Variants in CCDC80 observed in about 807,000 individuals in gnomAD.
The protein encoded by CCDC80 is coiled-coil domain containing 80.
CCDC80 carries 49 observed loss-of-function variants against 78.7 expected under a neutral mutation model. The ratio of observed to expected loss-of-function variants is 0.62; its 90% CI spans 0.50 to 0.79. The LOEUF (loss-of-function observed/expected upper bound fraction) is 0.79, where lower values mean the gene tolerates loss of function less well. Ranked by LOEUF, CCDC80 falls within the 30% of genes least tolerant of loss-of-function variation. The probability of loss-of-function intolerance (pLI) is 0.00; values close to 1 mark genes in which losing one functional copy is unlikely to be tolerated. For missense variants in CCDC80, 1,205 were observed against 1,198.6 expected (o/e 1.01, Z -0.08); for synonymous variants, 488 against 447.0 (o/e 1.09, Z -1.16).
chr3:112,616,634 G>A, intron 5 of CCDC80, 76 bp downstream of exon 5: 1 of 1,537,996 alleles, frequency 6.5e-7, no homozygotes, highest in African/African-American at 1.4e-5. Context: ...TGGGATCTGT[G>A]TTTCTTTGGC....
chr3:112,620,107 A>G (rs1559877773), intron 3 of CCDC80, among the ~76,000 whole-genome samples: 1 of 152,244 alleles, frequency 6.6e-6, no homozygotes, highest in Non-Finnish European at 1.5e-5. Flanking sequence ...ACTATATCAC[A>G]GTAAAAACAA....
In CCDC80 at chr3:112,599,853, AAGT is replaced by A. The variant is rs1015526664; in HGVS notation, c.*5561_*5563del. The A allele has an allele frequency of 3.3e-5, 5 of 152,222 alleles. No homozygotes were observed. Among genetic ancestry groups the A allele is most frequent in the South Asian group, 2.1e-4 (1 of 4,828 alleles). 9.4% of individuals were successfully genotyped at this position (152,222 alleles called of 1,614,324 possible). On this transcript the variant is annotated 3_prime_UTR_variant, in exon 8 of 8. Coordinates refer to ENST00000206423, the MANE Select transcript of CCDC80 (RefSeq NM_199511.3). ...AGAGCCCTGGGAGATGTCTGATGAA[AAGT>A]AGTTTTTGAAGAGTCTTGTGACAAC...
At position 112,636,142 on chromosome 3, in the gene CCDC80, A is replaced by C. The variant is rs1576795606; in HGVS notation, c.1878+1886T>G. ...TGATGTACTTTAGTGGGCTGGACAA[A>C]GTTGTAGGTACTCAGGAGGAGAGCA... On this transcript the variant is annotated intron_variant, in intron 2 of 7. Coordinates refer to ENST00000206423, the MANE Select transcript of CCDC80 (RefSeq NM_199511.3). Among the ~76,000 whole-genome samples, 5 of 152,292 alleles carry C rather than the reference A, an allele frequency of 3.3e-5. 1 individual carries two copies. Among genetic ancestry groups the C allele is most frequent in the African/African-American group, 1.2e-4 (5 of 41,570 alleles).
In CCDC80 at chr3:112,630,129, G is replaced by T; in HGVS notation, c.2019C>A (p.Ile673=). 6.2e-7 allele frequency: 1 copy of T among 1,613,724 alleles called. No homozygotes were observed. The highest frequency in any genetic ancestry group is 8.5e-7 in the Non-Finnish European group (1 of 1,179,768). ...TAAGAGAACCTAGCTGAAAGTGGTC[G>T]ATTTTCATGGTGCTGTTGTTGACAG... ...FGPVNNSTMK[I]DHFQLDNEKP... The change falls in exon 3 of 8, where the codon ATC becomes ATA. Residue 673 remains isoleucine, a synonymous_variant. Coordinates refer to ENST00000206423, the MANE Select transcript of CCDC80 (RefSeq NM_199511.3).
At position 112,602,628 on chromosome 3, in the gene CCDC80, C is replaced by G. The variant is rs1325760993; in HGVS notation, c.*2789G>C. On this transcript the variant is annotated 3_prime_UTR_variant, in exon 8 of 8. Transcript: ENST00000206423. ...TCTGAATAGAAGATCAAGCCAGCCA[C>G]AAAATTCCCTTAAGCCAAAGCCTAG... 2.0e-5 allele frequency: 3 copies of G among 152,212 alleles called. No individual in the cohort carries two copies. The highest frequency in any genetic ancestry group is 4.4e-5 in the Non-Finnish European group (3 of 68,042). The allele number at this position is 152,212 out of a possible 1,614,324, so 9.4% of individuals were successfully genotyped here. A position where few individuals can be genotyped will look rare whatever the true frequency, so the allele number is the denominator to read the frequency against.
chr3:112,606,644 C>A (rs1213038686), intron 7 of CCDC80, among the ~76,000 whole-genome samples: 2 of 148,626 alleles, frequency 1.3e-5, no homozygotes, highest in East Asian at 3.9e-4. Context: ...AGGCTGGTTT[C>A]GAACTCCTGA....
chr3:112,623,501 C>T (rs972972800), intron 3 of CCDC80, among the ~76,000 whole-genome samples: 1 of 152,114 alleles, frequency 6.6e-6, no homozygotes, highest in African/African-American at 2.4e-5. Context: ...TGTAAAAGTA[C>T]GATCCACTAT....
chr3:112,605,028 A>G lies in CCDC80; in HGVS notation c.*389T>C, dbSNP rs968345772. On this transcript the variant is annotated 3_prime_UTR_variant, in exon 8 of 8. Transcript: ENST00000206423. ...GTTTTATCTTTTCAGATGTTTCTTG[A>G]AAACATTGTGGTGTGATCTTTAACA... The G allele has an allele frequency of 2.5e-5, 4 of 158,292 alleles. No homozygotes were observed. The highest frequency in any genetic ancestry group is 5.5e-5 in the Non-Finnish European group (4 of 72,512). The allele number at this position is 158,292 out of a possible 1,614,324, so 9.8% of individuals were successfully genotyped here. A position where few individuals can be genotyped will look rare whatever the true frequency, so the allele number is the denominator to read the frequency against.
At position 112,605,023 on chromosome 3, in the gene CCDC80, T is replaced by G. The variant is rs1301191449; in HGVS notation, c.*394A>C. 2 of 157,640 alleles carry G rather than the reference T, an allele frequency of 1.3e-5. No individual in the cohort carries two copies. The highest frequency in any genetic ancestry group is 2.8e-5 in the Non-Finnish European group (2 of 72,036). 9.8% of individuals were successfully genotyped at this position (157,640 alleles called of 1,614,324 possible). A position where few individuals can be genotyped will look rare whatever the true frequency, so the allele number is the denominator to read the frequency against. The stretch of plus-strand genomic sequence containing the variant: ...TCTTTGTTTTATCTTTTCAGATGTT[T>G]CTTGAAAACATTGTGGTGTGATCTT... On this transcript the variant is annotated 3_prime_UTR_variant, in exon 8 of 8. Coordinates refer to ENST00000206423, the MANE Select transcript of CCDC80 (RefSeq NM_199511.3).
At position 112,639,585 on chromosome 3, in the gene CCDC80, T is replaced by C; in HGVS notation, c.321A>G (p.Arg107=). 1 of 1,614,098 alleles carries C rather than the reference T, an allele frequency of 6.2e-7. No individual in the cohort carries two copies. Among genetic ancestry groups the C allele is most frequent in the Non-Finnish European group, 8.5e-7 (1 of 1,180,030 alleles). Residue 107 remains arginine (R), a synonymous_variant, in exon 2 of 8, where the codon AGA becomes AGG. Coordinates refer to ENST00000206423, the MANE Select transcript of CCDC80 (RefSeq NM_199511.3). The part of the protein sequence containing the change: ...INGAAVRPEQ[R]PAARGSPREM... ...CACGCGGAGAGCCCCTGGCTGCTGG[T>C]CTTTGCTCAGGTCTCACGGCGGCCC...
intron 5 of CCDC80, among the ~76,000 whole-genome samples, chr3:112,615,304 G>T (rs1358845795): frequency 6.6e-6 from 1 of 152,092 alleles, no homozygotes; most frequent in Admixed American, 6.5e-5. Flanking sequence ...TGCTTTTAGA[G>T]ACATGAGTAA....
intron 2 of CCDC80, among the ~76,000 whole-genome samples, chr3:112,635,649 T>C (rs950780189): frequency 1.5e-4 from 23 of 152,250 alleles, no homozygotes. Flanking sequence ...TCTGATATGA[T>C]CATCAGTTGG....
chr3:112,615,568 T>C (rs1179967756), intron 5 of CCDC80, among the ~76,000 whole-genome samples: 2 of 152,046 alleles, frequency 1.3e-5, no homozygotes, highest in Non-Finnish European at 2.9e-5. Context: ...AGCAACTCCA[T>C]CTTAAATAGG....
At chr3:112,613,262 AT>A (rs1031408109) in intron 5 of CCDC80, among the ~76,000 whole-genome samples, 17 of 152,186 alleles carry the variant, frequency 1.1e-4, no homozygotes, top group Admixed American at 4.6e-4. Context: ...CTTCAAATAA[AT>A]TACAATTATT....
In CCDC80 at chr3:112,638,755, G is replaced by A. The variant is rs139212823; in HGVS notation, c.1151C>T (p.Thr384Met). 388 of 1,613,882 alleles carry A rather than the reference G, an allele frequency of 2.4e-4. 3 individuals carry two copies. The East Asian group carries it at 8.3e-3, about 34-fold the overall frequency. ...RPMTTTAFPTTQRPWTPSPSH... is the reference protein window; with the variant it reads ...RPMTTTAFPTMQRPWTPSPSH... ...GGGTGAGGGGGTCCAGGGCCTCTGCGTGGTGGGAAAGGCAGTGGTGGTCAT... is the reference window on the plus strand; with the variant it reads ...GGGTGAGGGGGTCCAGGGCCTCTGCATGGTGGGAAAGGCAGTGGTGGTCAT... The change falls in exon 2 of 8, where the codon ACG becomes ATG. Residue 384 changes from threonine to methionine, a missense_variant. Transcript: ENST00000206423.
chr3:112,615,401 G>A (rs1935713243), intron 5 of CCDC80, among the ~76,000 whole-genome samples: 1 of 152,126 alleles, frequency 6.6e-6, no homozygotes, highest in African/African-American at 2.4e-5. Context: ...TATAGTTGGA[G>A]TGGTGTTGAT....
chr3:112,627,823 G>A (rs1177872834), intron 3 of CCDC80, among the ~76,000 whole-genome samples: 1 of 146,258 alleles, frequency 6.8e-6, no homozygotes, highest in African/African-American at 2.5e-5. Flanking sequence ...ACCATTCAGT[G>A]AGGAAAATGC....
At chr3:112,622,444 C>T (rs539939040) in intron 3 of CCDC80, among the ~76,000 whole-genome samples, 1 of 152,186 alleles carries the variant, frequency 6.6e-6, no homozygotes, top group Non-Finnish European at 1.5e-5. Flanking sequence ...ATGTGTGAAG[C>T]TACATCCTGT....
chr3:112,624,403 C>A (rs1236767566), intron 3 of CCDC80, among the ~76,000 whole-genome samples: 1 of 152,184 alleles, frequency 6.6e-6, no homozygotes, highest in Non-Finnish European at 1.5e-5. Flanking sequence ...TGCTTTTATT[C>A]TCAAGAACAT....
Sources: gnomAD v4.1 joint callset for allele counts (sites outside exome capture counted in the v4.1 genomes callset) on GRCh38, gnomAD v4.1.1 for gene constraint, MANE v1.5 for transcripts, NCBI Gene and HGNC (gene_info 2026-07-23, HGNC 2026-07-21) for gene names.